SMPD3: variants seen among roughly 807,000 people sequenced by gnomAD.
SMPD3 encodes nSMase-2.
A neutral mutation model predicts 55.7 loss-of-function variants in SMPD3; 21 were observed. The ratio of observed to expected loss-of-function variants is 0.38; its 90% CI spans 0.27 to 0.54. SMPD3 has a LOEUF of 0.54. SMPD3 is among the 20% of genes least tolerant of loss of function. SMPD3 has a pLI of 0.80. For missense variants in SMPD3, 842 were observed against 899.6 expected, an observed-to-expected ratio of 0.94 and a Z score of 0.82; for synonymous variants, 457 against 404.3, an observed-to-expected ratio of 1.13 and a Z score of -1.56.
At chr16:68,384,855 GC>G (rs2090024633) in intron 2 of SMPD3, among the ~76,000 whole-genome samples, 1 of 152,060 alleles carries the variant, frequency 6.6e-6, no homozygotes, top group Non-Finnish European at 1.5e-5. Flanking sequence ...TGGCAGCCCT[GC>G]CCCCTGCTGA....
chr16:68,372,335 G>T lies in SMPD3; in HGVS notation c.-154C>A. 2 of 1,008,422 alleles carry T rather than the reference G, an allele frequency of 2.0e-6. No individual in the cohort carries two copies. The highest frequency in any genetic ancestry group is 5.2e-5 in the East Asian group (2 of 38,504). 62.5% of individuals were successfully genotyped at this position (1,008,422 alleles called of 1,614,324 possible). The stretch of plus-strand genomic sequence containing the variant: ...TCCGGCTGGTCAATGGCGAATGTTG[G>T]CCAGCCGGTCATGGTTCACCTCGGT... On this transcript the variant is annotated 5_prime_UTR_variant, in exon 3 of 9. Coordinates refer to ENST00000219334, the MANE Select transcript of SMPD3 (RefSeq NM_018667.4).
In SMPD3 at chr16:68,377,562, C is replaced by T. The variant is rs541762547; in HGVS notation, c.-206-5175G>A. 8.1e-4 allele frequency among the ~76,000 whole-genome samples: 124 copies of T among 152,314 alleles called. 1 individual carries two copies. The highest frequency in any genetic ancestry group is 3.3e-4 in the Admixed American group (5 of 15,304). Reference sequence around the variant, plus strand: ...TCAGAGGCCTGCACTGAGCCAGAGCCCCCCTCCCTAGACACTGGCCTGAGG... The same window carrying T: ...TCAGAGGCCTGCACTGAGCCAGAGCTCCCCTCCCTAGACACTGGCCTGAGG... On this transcript the variant is annotated intron_variant, in intron 2 of 8. Coordinates refer to ENST00000219334, the MANE Select transcript of SMPD3 (RefSeq NM_018667.4).
At chr16:68,446,343 G>T (rs1198882035) in intron 1 of SMPD3, among the ~76,000 whole-genome samples, 1 of 152,136 alleles carries the variant, frequency 6.6e-6, no homozygotes, top group African/African-American at 2.4e-5. Flanking sequence ...TAGGCACAAA[G>T]CAACCTGAAG....
Position 68,371,183 on chromosome 16 carries a change from C to A in SMPD3, c.999G>T (p.Ala333=), listed in dbSNP as rs556515037. 3 of 1,612,524 alleles carry A rather than the reference C, an allele frequency of 1.9e-6. No individual in the cohort carries two copies. In the East Asian group the frequency reaches 6.7e-5, roughly 36 times the overall value. ...CGGGGTGCCGCCTCCTGCGTGCAGC[C>A]GCCTTCTTCACCACCGAGGCCTTGT... ...LLYKASVVKK[A]AARRRRHPDE... Residue 333 remains alanine (A), a synonymous_variant, in exon 3 of 9, where the codon GCG becomes GCT. Coordinates refer to ENST00000219334, the MANE Select transcript of SMPD3 (RefSeq NM_018667.4).
At chr16:68,364,537 G>A in intron 5 of SMPD3, 1 of 582,346 alleles carries the variant, frequency 1.7e-6, no homozygotes. Context: ...TTCGTTTTTA[G>A]GGCATCTCTG....
chr16:68,445,079 C>T (rs2090599810), intron 1 of SMPD3, among the ~76,000 whole-genome samples: 1 of 152,218 alleles, frequency 6.6e-6, no homozygotes, highest in Non-Finnish European at 1.5e-5. Context: ...CATGTCTTAT[C>T]TCTCTCCCCC....
chr16:68,411,649 G>A (rs2090301870), intron 1 of SMPD3, among the ~76,000 whole-genome samples: 1 of 152,214 alleles, frequency 6.6e-6, no homozygotes, highest in South Asian at 2.1e-4. Flanking sequence ...CAGCAGTGGG[G>A]GAACAGCAGC....
At chr16:68,380,976 AAC>A (rs1195187047) in intron 2 of SMPD3, among the ~76,000 whole-genome samples, 1 of 152,278 alleles carries the variant, frequency 6.6e-6, no homozygotes, top group African/African-American at 2.4e-5. Context: ...CAGACGGGCT[AAC>A]ATTCTTCGGA....
rs1567774347 is a variant in SMPD3 at position 68,361,729 on chromosome 16, C to T, written c.1740G>A (p.Glu580=). 1 of 1,613,000 alleles carries T rather than the reference C, an allele frequency of 6.2e-7. No individual in the cohort carries two copies. Residue 580 remains glutamate, a synonymous_variant, in exon 8 of 9, where the codon GAG becomes GAA. Transcript: ENST00000219334. ...KVLESEEGRR[E]YLAFPTSKSS... ...TCTTGCTGGTGGGAAACGCCAGGTA[C>T]TCCCTGCGGCCCTCCTCACTCTCCA...
At chr16:68,437,307 TG>T (rs1353085840) in intron 1 of SMPD3, among the ~76,000 whole-genome samples, 2 of 152,234 alleles carry the variant, frequency 1.3e-5, no homozygotes, top group African/African-American at 2.4e-5. Flanking sequence ...GTGCCTTTAT[TG>T]TTATCATTCT....
intron 1 of SMPD3, among the ~76,000 whole-genome samples, chr16:68,423,063 G>T (rs1041938334): frequency 6.6e-6 from 1 of 152,180 alleles, no homozygotes; most frequent in African/African-American, 2.4e-5. Flanking sequence ...TAAGAGACAG[G>T]CACTGGTATT....
chr16:68,433,870 ATT>A (rs1354181762), intron 1 of SMPD3, among the ~76,000 whole-genome samples: 1 of 143,946 alleles, frequency 6.9e-6, no homozygotes. Flanking sequence ...TTTCTAGTTC[ATT>A]TTTTTTTTTT....
At chr16:68,423,218 C>G (rs564700075) in intron 1 of SMPD3, among the ~76,000 whole-genome samples, 15 of 152,278 alleles carry the variant, frequency 9.9e-5, no homozygotes, top group Middle Eastern at 3.4e-3. Context: ...AAGATCATTC[C>G]CTTCTTGTGA....
intron 1 of SMPD3, among the ~76,000 whole-genome samples, chr16:68,445,314 T>G (rs2090601490): frequency 6.6e-6 from 1 of 152,156 alleles, no homozygotes; most frequent in African/African-American, 2.4e-5. Context: ...AGGAGATGCC[T>G]AAATCTCTTT....
chr16:68,391,690 A>C (rs149384711), intron 1 of SMPD3, among the ~76,000 whole-genome samples: 1 of 152,302 alleles, frequency 6.6e-6, no homozygotes, highest in East Asian at 1.9e-4. Context: ...GGCAGGGCCA[A>C]GGCAGTGGGA....
chr16:68,400,046 G>A (rs559972815), intron 1 of SMPD3, among the ~76,000 whole-genome samples: 9 of 152,328 alleles, frequency 5.9e-5, no homozygotes, highest in African/African-American at 2.2e-4. Context: ...GGCCCAGAGG[G>A]GTAAAGCATG....
chr16:68,373,535 G>A (rs1020370973), intron 2 of SMPD3, among the ~76,000 whole-genome samples: 8 of 152,096 alleles, frequency 5.3e-5, no homozygotes, highest in African/African-American at 1.7e-4. Flanking sequence ...CTGAGCCCAC[G>A]GTGCCATCCA....
chr16:68,362,191 A>C (rs1217138745), intron 7 of SMPD3, among the ~76,000 whole-genome samples: 1 of 152,170 alleles, frequency 6.6e-6, no homozygotes, highest in Non-Finnish European at 1.5e-5. Context: ...AGCACCTCTG[A>C]GGAGTCTCAA....
At chr16:68,398,948 C>T (rs1597645663) in intron 1 of SMPD3, among the ~76,000 whole-genome samples, 2 of 152,178 alleles carry the variant, frequency 1.3e-5, no homozygotes, top group South Asian at 2.1e-4. Flanking sequence ...CCTTTGACAT[C>T]GTGGCCAGGA....
Sources: gnomAD v4.1 joint callset for allele counts (sites outside exome capture counted in the v4.1 genomes callset) on GRCh38, gnomAD v4.1.1 for gene constraint, MANE v1.5 for transcripts, NCBI Gene and HGNC (gene_info 2026-07-23, HGNC 2026-07-21) for gene names.